The following MLKL variants were observed in gnomAD, a reference collection of about 807,000 sequenced individuals.
MLKL encodes mixed lineage kinase domain-like protein.
Under a neutral mutation model 56.5 loss-of-function variants are expected in MLKL, and 55 were observed. That is an observed-to-expected ratio of 0.97 (90% CI 0.78 to 1.22). The LOEUF (loss-of-function observed/expected upper bound fraction) is 1.22, where lower values mean the gene tolerates loss of function less well. Ranked by LOEUF, MLKL falls within the 50% of genes most tolerant of loss-of-function variation. The pLI is 0.00. For synonymous variants in MLKL, 251 were observed against 208.3 expected (o/e 1.20, Z -1.76); for missense variants, 694 against 573.9 (o/e 1.21, Z -2.14).
chr16:74,683,692 T>C (rs1221799810), intron 5 of MLKL, among the ~76,000 whole-genome samples: 1 of 152,176 alleles, frequency 6.6e-6, no homozygotes, highest in Non-Finnish European at 1.5e-5. Flanking sequence ...ATTTGGCGAA[T>C]GTCTTCCTCA....
In MLKL at chr16:74,677,541, G is replaced by A. The variant is rs544918065; in HGVS notation, c.1038+1358C>T. On this transcript the variant is annotated intron_variant, in intron 7 of 10. Transcript: ENST00000308807. ...GGCTGATTTTTAAATTTTTTGAAGA[G>A]GGGGAGGTCTCACTGTGTTGCCAAG... is the stretch of plus-strand genomic sequence containing the variant. 1.5e-3 allele frequency: 225 copies of A among 152,262 alleles called. 2 individuals are homozygous for A. In the South Asian group the frequency reaches 0.016, roughly 11 times the overall value. 9.4% of individuals were successfully genotyped at this position (152,262 alleles called of 1,614,324 possible).
At chr16:74,692,194 T>C in intron 3 of MLKL, 148 bp downstream of exon 3, 2 of 692,484 alleles carry the variant, frequency 2.9e-6, no homozygotes, top group South Asian at 1.8e-5. Flanking sequence ...GGGCTAGCCA[T>C]GAATGGATCC....
intron 5 of MLKL, among the ~76,000 whole-genome samples, chr16:74,684,059 T>C (rs1353439163): frequency 1.3e-5 from 2 of 152,038 alleles, no homozygotes; most frequent in African/African-American, 2.4e-5. Flanking sequence ...GCAATTCTCC[T>C]GCCTCAGCCT....
intron 4 of MLKL, among the ~76,000 whole-genome samples, chr16:74,688,319 C>A (rs763642211): frequency 1.3e-5 from 2 of 152,072 alleles, no homozygotes; most frequent in Non-Finnish European, 2.9e-5. Flanking sequence ...TATCAACATG[C>A]AGAAAAATGA....
At chr16:74,695,058 G>C (rs1354329574) in intron 2 of MLKL, among the ~76,000 whole-genome samples, 1 of 152,126 alleles carries the variant, frequency 6.6e-6, no homozygotes, top group Non-Finnish European at 1.5e-5. Flanking sequence ...ATTTTTAGTA[G>C]AGACGGGGTT....
chr16:74,687,681 G>GT (rs535550027), intron 4 of MLKL, among the ~76,000 whole-genome samples: 2,328 of 147,052 alleles, frequency 0.016, 26 homozygotes, highest in Non-Finnish European at 0.021. Flanking sequence ...ATTTTTCACA[G>GT]TTTTTTTTTT....
intron 2 of MLKL, among the ~76,000 whole-genome samples, chr16:74,694,156 C>A (rs1960874147): frequency 1.3e-5 from 2 of 152,078 alleles, no homozygotes; most frequent in African/African-American, 4.8e-5. Flanking sequence ...GACTGTGTGA[C>A]AACAACAATA....
intron 10 of MLKL, among the ~76,000 whole-genome samples, chr16:74,673,840 C>T (rs1020280981): frequency 1.3e-5 from 2 of 151,416 alleles, no homozygotes; most frequent in East Asian, 1.9e-4. Flanking sequence ...ACTCTAGAGA[C>T]TAAGGCAGGA....
intron 3 of MLKL, 108 bp downstream of exon 3, chr16:74,692,234 A>G: frequency 9.9e-7 from 1 of 1,011,346 alleles, no homozygotes; most frequent in Non-Finnish European, 1.5e-6. Flanking sequence ...CCAGCCATCC[A>G]GCACAGAAAA....
Position 74,700,594 on chromosome 16 carries a change from C to A in MLKL, c.-144G>T, listed in dbSNP as rs1961329478. 1 of 152,692 alleles carries A rather than the reference C, an allele frequency of 6.5e-6. No homozygotes were observed. Among genetic ancestry groups the A allele is most frequent in the Non-Finnish European group, 1.5e-5 (1 of 68,404 alleles). 9.5% of individuals were successfully genotyped at this position (152,692 alleles called of 1,614,324 possible). A position where few individuals can be genotyped will look rare whatever the true frequency, so the allele number is the denominator to read the frequency against. ...CGAGGCCCGCGGGAGTTCCCCTGCG[C>A]CCCCTTTCCTGGTGCCCGCACCCTG... On this transcript the variant is annotated 5_prime_UTR_variant, in exon 1 of 11. Transcript: ENST00000308807.
intron 4 of MLKL, among the ~76,000 whole-genome samples, chr16:74,689,890 T>C (rs552577685): frequency 9.2e-5 from 14 of 152,340 alleles, no homozygotes; most frequent in African/African-American, 3.1e-4. Context: ...AGGTGGATTC[T>C]AGTAGGATTA....
intron 2 of MLKL, among the ~76,000 whole-genome samples, chr16:74,693,526 T>A (rs1018824725): frequency 6.8e-6 from 1 of 147,100 alleles, no homozygotes; most frequent in African/African-American, 2.5e-5. Context: ...TGGTGATGGA[T>A]GGTCGCGATG....
chr16:74,692,548 C>T, intron 2 of MLKL, 132 bp from the exon 3 acceptor site: 3 of 669,932 alleles, frequency 4.5e-6, no homozygotes, highest in Non-Finnish European at 4.9e-6. Context: ...GGGATTACTA[C>T]TGATCACCAA....
chr16:74,679,010 T>C (rs1285805366), intron 6 of MLKL, 30 bp from the exon 7 acceptor site: 4 of 1,584,788 alleles, frequency 2.5e-6, no homozygotes, highest in African/African-American at 1.3e-5. Flanking sequence ...GGAGCATAAG[T>C]ACCTTTGCCC....
rs750752086 is a variant in MLKL, at chr16:74,672,501, A to G, written c.*3T>C. On this transcript the variant is annotated 3_prime_UTR_variant, in exon 11 of 11. Coordinates refer to ENST00000308807, the MANE Select transcript of MLKL (RefSeq NM_152649.4). ...GAGACTCCTTGGTTTAGATTTTGAT[A>G]CACTACTTAGAAAAGGTGGAGAGTT... The G allele has an allele frequency of 7.4e-6, 12 of 1,613,376 alleles. No homozygotes were observed. Among genetic ancestry groups the G allele is most frequent in the Admixed American group, 1.7e-5 (1 of 59,964 alleles).
In MLKL at chr16:74,682,691, G is replaced by A. The variant is rs145371410; in HGVS notation, c.916C>T (p.Arg306Cys). ...GCTGCCCCCAGGACTAGGACCATGC[G>A]CTTGCCAAGTGTGAGGTCTTTTTCC... ...DREKDLTLGK[R>C]MVLVLGAARG... The change falls in exon 6 of 11, where the codon CGC becomes TGC. Residue 306 changes from arginine (R) to cysteine (C), a missense_variant. Coordinates refer to ENST00000308807, the MANE Select transcript of MLKL (RefSeq NM_152649.4). 6.0e-4 allele frequency: 969 copies of A among 1,614,090 alleles called. No homozygotes were observed. The highest frequency in any genetic ancestry group is 7.4e-4 in the Non-Finnish European group (875 of 1,180,016).
chr16:74,672,165 A>G lies in MLKL; in HGVS notation c.*339T>C. On this transcript the variant is annotated 3_prime_UTR_variant, in exon 11 of 11. Coordinates refer to ENST00000308807, the MANE Select transcript of MLKL (RefSeq NM_152649.4). Reference sequence around the variant, plus strand: ...CTTCCACATTCTATTGATCAAATCAAGTCACAGTGCCAGCCCAGATTCAAA... The same window carrying G: ...CTTCCACATTCTATTGATCAAATCAGGTCACAGTGCCAGCCCAGATTCAAA... 1 of 228,606 alleles carries G rather than the reference A, an allele frequency of 4.4e-6. No individual in the cohort carries two copies. Among genetic ancestry groups the G allele is most frequent in the Admixed American group, 5.2e-5 (1 of 19,408 alleles). 14.2% of individuals were successfully genotyped at this position (228,606 alleles called of 1,614,324 possible).
intron 3 of MLKL, 155 bp from the exon 4 acceptor site, chr16:74,691,618 G>T: frequency 1.3e-6 from 1 of 777,262 alleles, no homozygotes; most frequent in Non-Finnish European, 2.0e-6. Flanking sequence ...CTCAGCCCAA[G>T]GGAGCGGCTC....
In MLKL at chr16:74,687,157, G is replaced by A. The variant is rs915218507; in HGVS notation, c.723-1574C>T. On this transcript the variant is annotated intron_variant, in intron 4 of 10. Transcript: ENST00000308807. ...TGCCCGGCTAATTTTTGTATTTATA[G>A]TAGAGGCGGGGTTTCACCATGTTGG... 5.9e-5 allele frequency among the ~76,000 whole-genome samples: 9 copies of A among 152,172 alleles called. No individual in the cohort carries two copies. The South Asian group carries it at 1.9e-3, about 32-fold the overall frequency.
Sources: allele counts gnomAD v4.1 joint callset (sites outside exome capture counted in the v4.1 genomes callset), GRCh38; gene constraint gnomAD v4.1.1; transcripts MANE v1.5; gene names NCBI Gene and HGNC (gene_info 2026-07-23, HGNC 2026-07-21).